Variants in SLCO5A1 observed in about 807,000 individuals in gnomAD.
The protein encoded by SLCO5A1 is solute carrier organic anion transporter family member 5A1.
A neutral mutation model predicts 65.1 loss-of-function variants in SLCO5A1; 39 were observed. The observed-to-expected ratio is 0.60, with a 90% confidence interval of 0.46 to 0.78. The LOEUF (loss-of-function observed/expected upper bound fraction) is 0.78, where lower values mean the gene tolerates loss of function less well. Among genes scored for constraint, SLCO5A1 ranks in the 30% least tolerant of loss-of-function variants. SLCO5A1 has a pLI of 0.00. For missense variants in SLCO5A1, 1,029 were observed against 1,069.4 expected (o/e 0.96, Z 0.53); for synonymous variants, 438 against 415.7 (o/e 1.05, Z -0.65).
chr8:69,703,110 CAA>C (rs34113730), intron 6 of SLCO5A1, among the ~76,000 whole-genome samples: 15,695 of 82,692 alleles, frequency 0.19, 1,025 homozygotes, highest in Non-Finnish European at 0.26. Context: ...GACTCTGTTT[CAA>C]AAAAAAAAAA....
chr8:69,709,848 T>C (rs1406215262), intron 5 of SLCO5A1, among the ~76,000 whole-genome samples: 1 of 152,070 alleles, frequency 6.6e-6, no homozygotes, highest in Non-Finnish European at 1.5e-5. Flanking sequence ...CAGACAATAT[T>C]GGACACCAGA....
chr8:69,685,169 A>G (rs937825774), intron 6 of SLCO5A1, among the ~76,000 whole-genome samples: 2 of 152,258 alleles, frequency 1.3e-5, no homozygotes, highest in African/African-American at 4.8e-5. Flanking sequence ...GAAGGTGATC[A>G]TGGTACACAC....
At chr8:69,821,987 G>A (rs759415881) in intron 2 of SLCO5A1, among the ~76,000 whole-genome samples, 4 of 151,886 alleles carry the variant, frequency 2.6e-5, no homozygotes, top group East Asian at 1.9e-4. Context: ...TTAGCCAGGC[G>A]TGGTGGCAGG....
rs543759543 is a variant in SLCO5A1 at position 69,686,813 on chromosome 8, C to T, written c.1623-4470G>A. 2.0e-5 allele frequency among the ~76,000 whole-genome samples: 3 copies of T among 152,278 alleles called. No individual in the cohort carries two copies. The South Asian group carries it at 6.2e-4, about 32-fold the overall frequency. On this transcript the variant is annotated intron_variant, in intron 6 of 9. Coordinates refer to ENST00000260126, the MANE Select transcript of SLCO5A1 (RefSeq NM_030958.3). ...TTCGCTTTCTTCTTCCTGGAGAAAG[C>T]TCTAATGCAGTTTTTCTCGCACTCT...
chr8:69,832,015 G>T lies in SLCO5A1; in HGVS notation c.659C>A (p.Pro220His). ...ALFALPHFIS[P>H]PYQIQELNAS... ...GTTCAACTCTTGGATCTGGTAGGGG[G>T]GCGAGATGAAGTGAGGTAAGGCGAA... Residue 220 changes from proline (P) to histidine (H), a missense_variant, in exon 2 of 10, where the codon CCC (proline) becomes CAC (histidine). Physicochemically the swap from Pro to His is moderately conservative, Grantham distance 77. Around this residue, in one of 3 missense-constraint regions of SLCO5A1, gnomAD observed 647 missense variants for 647.5 expected, o/e 1.00. Transcript: ENST00000260126. The surrounding 1 kb of genome is among the most constrained non-coding windows in gnomAD (Gnocchi z 4.5). The T allele has an allele frequency of 6.2e-7, 1 of 1,602,938 alleles. No individual in the cohort carries two copies. The highest frequency in any genetic ancestry group is 8.5e-7 in the Non-Finnish European group (1 of 1,174,698).
At chr8:69,722,773 C>T (rs1010347534) in intron 5 of SLCO5A1, among the ~76,000 whole-genome samples, 1 of 107,580 alleles carries the variant, frequency 9.3e-6, no homozygotes, top group East Asian at 2.3e-4. Context: ...TTAACACATG[C>T]ATGGTGTGTG....
At chr8:69,784,533 AT>A (rs1818927363) in intron 2 of SLCO5A1, among the ~76,000 whole-genome samples, 1 of 152,148 alleles carries the variant, frequency 6.6e-6, no homozygotes, top group Non-Finnish European at 1.5e-5. Context: ...CACGCCTGTA[AT>A]CCCAGCACTT....
chr8:69,792,765 T>C (rs996289874), intron 2 of SLCO5A1, among the ~76,000 whole-genome samples: 2 of 151,992 alleles, frequency 1.3e-5, no homozygotes, highest in African/African-American at 4.8e-5. Context: ...ATATCATTAA[T>C]GAAATTAAAG....
intron 7 of SLCO5A1, among the ~76,000 whole-genome samples, chr8:69,681,271 T>C (rs1186034022): frequency 6.6e-6 from 1 of 152,158 alleles, no homozygotes; most frequent in African/African-American, 2.4e-5. Flanking sequence ...AATCTGTTCT[T>C]CACAAAGAAT....
chr8:69,714,445 T>G (rs747514811), intron 5 of SLCO5A1, among the ~76,000 whole-genome samples: 1 of 152,204 alleles, frequency 6.6e-6, no homozygotes. Context: ...TAAGTTCTTT[T>G]AGGAGTTCTC....
chr8:69,710,587 G>C (rs563956874), intron 5 of SLCO5A1, among the ~76,000 whole-genome samples: 1 of 152,046 alleles, frequency 6.6e-6, no homozygotes, highest in Non-Finnish European at 1.5e-5. Flanking sequence ...TTTACCTTTA[G>C]AATGAAAACG....
At chr8:69,771,856 G>C (rs1427672229) in intron 2 of SLCO5A1, among the ~76,000 whole-genome samples, 1 of 152,216 alleles carries the variant, frequency 6.6e-6, no homozygotes, top group African/African-American at 2.4e-5. Context: ...CCAGTAATGA[G>C]AAATGTGAGT....
At chr8:69,677,768 T>C (rs904908251) in intron 8 of SLCO5A1, among the ~76,000 whole-genome samples, 9 of 152,234 alleles carry the variant, frequency 5.9e-5, no homozygotes, top group Non-Finnish European at 1.2e-4. Flanking sequence ...ATACATCTGG[T>C]GCAGCCAACT....
chr8:69,758,331 C>T (rs762426036), intron 3 of SLCO5A1, among the ~76,000 whole-genome samples: 5 of 152,036 alleles, frequency 3.3e-5, no homozygotes, highest in Non-Finnish European at 5.9e-5. Context: ...GGACTACAGG[C>T]GCAGTGGCTA....
chr8:69,735,248 G>A (rs1053963580), intron 5 of SLCO5A1, among the ~76,000 whole-genome samples: 1 of 152,202 alleles, frequency 6.6e-6, no homozygotes, highest in African/African-American at 2.4e-5. Context: ...CAGCCATTGT[G>A]GAAGACAGTA....
At chr8:69,741,105 A>G (rs867707232) in intron 4 of SLCO5A1, among the ~76,000 whole-genome samples, 7 of 152,198 alleles carry the variant, frequency 4.6e-5, no homozygotes, top group Admixed American at 1.3e-4. Context: ...TGTCCTTTCC[A>G]TAATACATTG....
chr8:69,680,685 G>A (rs894204795), intron 7 of SLCO5A1, among the ~76,000 whole-genome samples: 1 of 152,108 alleles, frequency 6.6e-6, no homozygotes, highest in Non-Finnish European at 1.5e-5. Context: ...GTCGTTTTAA[G>A]TTCTTTGAGA....
intron 5 of SLCO5A1, among the ~76,000 whole-genome samples, chr8:69,721,788 A>T (rs1469958871): frequency 6.6e-6 from 1 of 152,160 alleles, no homozygotes; most frequent in Non-Finnish European, 1.5e-5. Context: ...ACAGCAGGAA[A>T]CTCAAAATTC....
chr8:69,833,009 G>A lies in SLCO5A1; in HGVS notation c.-336C>T, dbSNP rs1400728921. The A allele has an allele frequency of 9.4e-6, 3 of 319,758 alleles. No individual in the cohort carries two copies. The highest frequency in any genetic ancestry group is 2.2e-5 in the African/African-American group (1 of 44,894). 19.8% of individuals were successfully genotyped at this position (319,758 alleles called of 1,614,324 possible). A position where few individuals can be genotyped will look rare whatever the true frequency, so the allele number is the denominator to read the frequency against. Reference sequence around the variant, plus strand: ...GCTCATCCCCTCCGCCGCCGCCGCCGCCGCCGCCGCTGGGCCCGCGGCCAG... The same window carrying A: ...GCTCATCCCCTCCGCCGCCGCCGCCACCGCCGCCGCTGGGCCCGCGGCCAG... On this transcript the variant is annotated 5_prime_UTR_variant, in exon 2 of 10. Coordinates refer to ENST00000260126, the MANE Select transcript of SLCO5A1 (RefSeq NM_030958.3).
Sources: allele counts gnomAD v4.1 joint callset (sites outside exome capture counted in the v4.1 genomes callset), GRCh38; gene constraint gnomAD v4.1.1; regional missense constraint gnomAD v4.1.1; non-coding constraint Gnocchi (gnomAD v3.1); transcripts MANE v1.5; gene names NCBI Gene and HGNC (gene_info 2026-07-23, HGNC 2026-07-21).